Variants in CHD7 observed in about 807,000 individuals in gnomAD.
CHD7 encodes the protein ATP-dependent chromatin remodeler CHD7.
A neutral mutation model predicts 307.3 loss-of-function variants in CHD7; 24 were observed. The observed-to-expected ratio is 0.08, with a 90% CI of 0.06 to 0.11. CHD7 has a LOEUF of 0.11. Among genes scored for constraint, CHD7 ranks in the 10% least tolerant of loss-of-function variants. CHD7 has a pLI of 1.00. For missense variants in CHD7, 3,106 were observed against 3,727.1 expected (o/e 0.83, Z 4.34); for synonymous variants, 1,363 against 1,349.9 (o/e 1.01, Z -0.21).
At chr8:60,835,866 A>G (rs144048617) in intron 15 of CHD7, among the ~76,000 whole-genome samples, 8 of 152,292 alleles carry the variant, frequency 5.3e-5, no homozygotes, top group South Asian at 2.1e-4. Context: ...GAATGCCTCA[A>G]TGTGTTGTGC....
chr8:60,866,016 C>T lies in CHD7; in HGVS notation c.*83C>T. 1 of 1,265,980 alleles carries T rather than the reference C, an allele frequency of 7.9e-7. No homozygotes were observed. Among genetic ancestry groups the T allele is most frequent in the East Asian group, 2.5e-5 (1 of 39,496 alleles). 78.4% of individuals were successfully genotyped at this position (1,265,980 alleles called of 1,614,324 possible). ...TTACACTCACAGTTAATGTTCATAC[C>T]TAGTTTTATAAGCTGTTCTGTAACA... On this transcript the variant is annotated 3_prime_UTR_variant, in exon 38 of 38. Transcript: ENST00000423902.
intron 1 of CHD7, among the ~76,000 whole-genome samples, chr8:60,735,119 C>T (rs191457688): frequency 2.0e-5 from 3 of 152,288 alleles, no homozygotes; most frequent in Admixed American, 1.3e-4. Flanking sequence ...GCAAGCTGCA[C>T]GAGGACAGGG....
intron 26 of CHD7, 89 bp downstream of exon 26, chr8:60,850,711 G>A (rs1271861800): frequency 7.6e-7 from 1 of 1,321,416 alleles, no homozygotes; most frequent in East Asian, 2.5e-5. Context: ...AGTACACACT[G>A]TATTGTGTCT....
intron 9 of CHD7, among the ~76,000 whole-genome samples, chr8:60,820,680 C>T (rs991547382): frequency 6.6e-6 from 1 of 152,190 alleles, no homozygotes; most frequent in African/African-American, 2.4e-5. Flanking sequence ...TGCCCACCCA[C>T]CATGAATTGT....
At chr8:60,712,510 G>A (rs1807330262) in intron 1 of CHD7, among the ~76,000 whole-genome samples, 1 of 152,150 alleles carries the variant, frequency 6.6e-6, no homozygotes, top group African/African-American at 2.4e-5. Flanking sequence ...CATTAACTCA[G>A]GCCTGCCTTG....
At chr8:60,851,953 T>G in intron 28 of CHD7, 66 bp from the exon 29 acceptor site, 1 of 1,102,912 alleles carries the variant, frequency 9.1e-7, no homozygotes, top group Non-Finnish European at 1.3e-6. Flanking sequence ...CATCCTGTTT[T>G]GTTGGAATAC....
intron 7 of CHD7, 49 bp from the exon 8 acceptor site, chr8:60,816,338 G>A (rs1227063772): frequency 9.9e-7 from 1 of 1,008,930 alleles, no homozygotes; most frequent in South Asian, 1.5e-5. Flanking sequence ...ACATAATAAA[G>A]GATTAATTAT....
rs1806033137 is a variant in CHD7 at position 60,862,275 on chromosome 8, A to T, written c.7910A>T (p.Asp2637Val). Residue 2637 changes from aspartate (D) to valine (V), a missense_variant, in exon 36 of 38, where the codon GAT becomes GTT. Physicochemically the swap from Asp to Val is radical, Grantham distance 152. Around this residue, in one of 10 missense-constraint regions of CHD7, gnomAD observed 59 missense variants for 106.2 expected, o/e 0.56. Coordinates refer to ENST00000423902, the MANE Select transcript of CHD7 (RefSeq NM_017780.4). ...AGATGTCGAAACCCTAATAAATTGG[A>T]TATAAACACTTTGACAGGAGAAGAA... Reference protein sequence around the residue: ...RHRCRNPNKLDINTLTGEERV... With the variant: ...RHRCRNPNKLVINTLTGEERV... 6.2e-7 allele frequency: 1 copy of T among 1,611,096 alleles called. No homozygotes were observed. The highest frequency in any genetic ancestry group is 8.5e-7 in the Non-Finnish European group (1 of 1,178,776).
chr8:60,698,548 C>T (rs559950309), intron 1 of CHD7, among the ~76,000 whole-genome samples: 5 of 152,284 alleles, frequency 3.3e-5, no homozygotes, highest in African/African-American at 1.2e-4. Context: ...TACTCTCTGC[C>T]TTTGGGATCT....
At chr8:60,845,747 G>A (rs1408756773) in intron 23 of CHD7, among the ~76,000 whole-genome samples, 1 of 152,118 alleles carries the variant, frequency 6.6e-6, no homozygotes, top group Non-Finnish European at 1.5e-5. Context: ...ACAACACAAC[G>A]TTTACCATTT....
intron 1 of CHD7, among the ~76,000 whole-genome samples, chr8:60,700,526 C>T (rs550794065): frequency 6.6e-5 from 10 of 152,318 alleles, no homozygotes; most frequent in African/African-American, 1.9e-4. Context: ...CACAATGAGA[C>T]GATGCCATGA....
intron 28 of CHD7, among the ~76,000 whole-genome samples, chr8:60,851,791 G>A (rs1252746375): frequency 3.3e-5 from 5 of 152,142 alleles, no homozygotes; most frequent in Admixed American, 2.6e-4. Flanking sequence ...GTTTCTTTAT[G>A]TAGGACTAAT....
At chr8:60,849,911 G>C (rs1208429726) in intron 25 of CHD7, among the ~76,000 whole-genome samples, 1 of 152,204 alleles carries the variant, frequency 6.6e-6, no homozygotes, top group South Asian at 2.1e-4. Flanking sequence ...GCAGTGCACT[G>C]TTGGGATCTG....
At chr8:60,732,170 C>G (rs1808486481) in intron 1 of CHD7, among the ~76,000 whole-genome samples, 1 of 152,226 alleles carries the variant, frequency 6.6e-6, no homozygotes, top group African/African-American at 2.4e-5. Context: ...CTTTCTATCC[C>G]TTGCCTTTCA....
chr8:60,849,006 A>G (rs746195248), intron 24 of CHD7, 45 bp from the exon 25 acceptor site: 1 of 1,433,204 alleles, frequency 7.0e-7, no homozygotes, highest in Non-Finnish European at 9.8e-7. Flanking sequence ...CATTACTTGG[A>G]ATTCTTTTTT....
intron 1 of CHD7, among the ~76,000 whole-genome samples, chr8:60,679,968 G>A (rs1444045850): frequency 6.6e-6 from 1 of 151,916 alleles, no homozygotes; most frequent in Non-Finnish European, 1.5e-5. Flanking sequence ...AGGAGGAGAA[G>A]AAAGGGAGCG....
intron 1 of CHD7, among the ~76,000 whole-genome samples, chr8:60,697,013 G>C (rs535575978): frequency 1.6e-4 from 25 of 152,094 alleles, no homozygotes; most frequent in Non-Finnish European, 2.9e-4. Context: ...CTGTAGGTGA[G>C]ATCTGAATTT....
At chr8:60,725,445 C>G (rs561646379) in intron 1 of CHD7, among the ~76,000 whole-genome samples, 363 of 152,194 alleles carry the variant, frequency 2.4e-3, no homozygotes, top group Non-Finnish European at 4.2e-3. Flanking sequence ...TTTTATATTG[C>G]TAAGCATATT....
chr8:60,783,825 C>G (rs1277739270), intron 3 of CHD7, among the ~76,000 whole-genome samples: 1 of 152,132 alleles, frequency 6.6e-6, no homozygotes, highest in Admixed American at 6.5e-5. Context: ...GCCCTGGTCA[C>G]TTGACCACTT....
Sources: gnomAD v4.1 joint callset for allele counts (sites outside exome capture counted in the v4.1 genomes callset) on GRCh38, gnomAD v4.1.1 for gene constraint, gnomAD v4.1.1 regional missense constraint, MANE v1.5 for transcripts, NCBI Gene and HGNC (gene_info 2026-07-23, HGNC 2026-07-21) for gene names.